Variants in SLC44A5 observed in about 807,000 individuals in gnomAD.
SLC44A5 encodes choline transporter-like protein 5.
Under a neutral mutation model 101.8 loss-of-function variants are expected in SLC44A5, and 57 were observed. The observed-to-expected ratio is 0.56, with a 90% CI of 0.45 to 0.70. SLC44A5 has a LOEUF of 0.70. SLC44A5 is among the 30% of genes least tolerant of loss of function. The pLI is 0.00. For synonymous variants in SLC44A5, 281 were observed against 290.9 expected (o/e 0.97, Z 0.35); for missense variants, 737 against 853.1 (o/e 0.86, Z 1.70).
chr1:75,626,760 C>G, the SLC44A5 span, among the ~76,000 whole-genome samples: 1 of 152,064 alleles, frequency 6.6e-6, no homozygotes, highest in Non-Finnish European at 1.5e-5. Flanking sequence ...CTCCCTGACT[C>G]CATTCTTTCA....
the SLC44A5 span, among the ~76,000 whole-genome samples, chr1:75,681,602 A>T: frequency 1.3e-5 from 2 of 150,726 alleles, no homozygotes; most frequent in African/African-American, 2.4e-5. Context: ...TTGATGGGAC[A>T]TATTTCAAAA....
At chr1:75,425,690 T>G (rs765504489) in intron 2 of SLC44A5, among the ~76,000 whole-genome samples, 41 of 152,176 alleles carry the variant, frequency 2.7e-4, no homozygotes, top group Middle Eastern at 3.2e-3. Context: ...GTAATAACAA[T>G]GCTGTATTCT....
chr1:75,443,703 A>G (rs1176102751), intron 2 of SLC44A5, among the ~76,000 whole-genome samples: 2 of 151,744 alleles, frequency 1.3e-5, no homozygotes, highest in Non-Finnish European at 2.9e-5. Flanking sequence ...AAATATTCCC[A>G]AACTCCCATT....
At chr1:75,558,543 A>G (rs554439562) in intron 1 of SLC44A5, among the ~76,000 whole-genome samples, 9 of 152,204 alleles carry the variant, frequency 5.9e-5, no homozygotes, top group African/African-American at 1.9e-4. Context: ...ACTCCACACT[A>G]CCTTAATATG....
intron 1 of SLC44A5, among the ~76,000 whole-genome samples, chr1:75,574,439 T>G (rs1297311806): frequency 6.6e-6 from 1 of 152,248 alleles, no homozygotes; most frequent in East Asian, 1.9e-4. Context: ...CATGCAGTTT[T>G]AAACAGATAC....
intron 2 of SLC44A5, among the ~76,000 whole-genome samples, chr1:75,521,160 C>T (rs1670098977): frequency 6.6e-6 from 1 of 152,154 alleles, no homozygotes; most frequent in African/African-American, 2.4e-5. Flanking sequence ...ATTCAAATTT[C>T]AAACAGCATA....
chr1:75,212,348 T>A (rs1162546205), intron 22 of SLC44A5, among the ~76,000 whole-genome samples: 1 of 152,062 alleles, frequency 6.6e-6, no homozygotes, highest in East Asian at 1.9e-4. Context: ...CCTTCTACCC[T>A]CCACCCTCAA....
chr1:75,255,416 T>A, intron 6 of SLC44A5, among the ~76,000 whole-genome samples: 1 of 147,834 alleles, frequency 6.8e-6, no homozygotes, highest in African/African-American at 2.5e-5. Flanking sequence ...CAAGAAAGGC[T>A]TATAAAGATT....
intron 2 of SLC44A5, among the ~76,000 whole-genome samples, chr1:75,455,075 G>A (rs1395778732): frequency 3.3e-5 from 5 of 151,956 alleles, no homozygotes; most frequent in Admixed American, 3.3e-4. Flanking sequence ...ACAATTCTAA[G>A]CAAAAAGAAC....
chr1:75,242,069 A>G lies in SLC44A5; in HGVS notation c.472-8T>C. 1 of 1,610,214 alleles carries G rather than the reference A, an allele frequency of 6.2e-7. No homozygotes were observed. Reference sequence around the variant, plus strand: ...TAAAAGCTGTGTGAGAGACTAAAATAGAAGGAAGAACGTTAACATTTCAAA... The same window carrying G: ...TAAAAGCTGTGTGAGAGACTAAAATGGAAGGAAGAACGTTAACATTTCAAA... On this transcript the variant is annotated splice_region_variant and splice_polypyrimidine_tract_variant and intron_variant, in intron 8 of 23. Coordinates refer to ENST00000370859, the MANE Select transcript of SLC44A5 (RefSeq NM_001130058.2).
chr1:75,506,440 G>A (rs1669262810), intron 2 of SLC44A5, among the ~76,000 whole-genome samples: 1 of 152,086 alleles, frequency 6.6e-6, no homozygotes. Context: ...GCTTTGGGTA[G>A]TATTGCTATT....
chr1:75,227,101 C>T (rs1413188828), intron 13 of SLC44A5, among the ~76,000 whole-genome samples: 5 of 151,986 alleles, frequency 3.3e-5, no homozygotes, highest in African/African-American at 9.7e-5. Context: ...CACGCCAGCA[C>T]GGTGGCTCAT....
At chr1:75,351,868 A>AAAAAG (rs1553165361) in intron 3 of SLC44A5, among the ~76,000 whole-genome samples, 1 of 58,464 alleles carries the variant, frequency 1.7e-5, no homozygotes, top group African/African-American at 6.0e-5. Context: ...AAAAAAAAAA[A>AAAAAG]AGAGAGAGAG....
At chr1:75,608,332 T>C (rs1339486967) in intron 1 of SLC44A5, among the ~76,000 whole-genome samples, 4 of 142,388 alleles carry the variant, frequency 2.8e-5, no homozygotes, top group Non-Finnish European at 6.1e-5. Flanking sequence ...GTGAGGGGTA[T>C]GTGTGTGTGT....
intron 2 of SLC44A5, among the ~76,000 whole-genome samples, chr1:75,397,194 AG>A (rs1662178660): frequency 6.6e-6 from 1 of 152,160 alleles, no homozygotes; most frequent in African/African-American, 2.4e-5. Flanking sequence ...TCAATTTGGA[AG>A]GTACAAATTA....
chr1:75,582,180 T>C (rs918212810), intron 1 of SLC44A5: 16 of 843,380 alleles, frequency 1.9e-5, no homozygotes, highest in Non-Finnish European at 2.8e-5. Flanking sequence ...ATCACAAAGA[T>C]ACGAATCTCT....
chr1:75,690,882 C>A, the SLC44A5 span, among the ~76,000 whole-genome samples: 1 of 152,034 alleles, frequency 6.6e-6, no homozygotes, highest in African/African-American at 2.4e-5. Flanking sequence ...AATCCCAGCA[C>A]TTTGGGAGGC....
chr1:75,352,728 C>T (rs953551763), intron 3 of SLC44A5, among the ~76,000 whole-genome samples: 7 of 152,060 alleles, frequency 4.6e-5, no homozygotes, highest in Non-Finnish European at 1.0e-4. Context: ...CATGATCTGA[C>T]CCTATAAAAG....
Position 75,374,683 on chromosome 1 carries a change from C to G in SLC44A5, c.52+21900G>C, listed in dbSNP as rs114100433. ...CTACTGGATTGCAACCTGAATCACACCGGGAAGCAAAAATACATCCCTTCA... is the reference window on the plus strand; with the variant it reads ...CTACTGGATTGCAACCTGAATCACAGCGGGAAGCAAAAATACATCCCTTCA... On this transcript the variant is annotated intron_variant, in intron 3 of 23. Transcript: ENST00000370859. Among the ~76,000 whole-genome samples, 556 of 152,260 alleles carry G rather than the reference C, an allele frequency of 3.7e-3. 4 individuals are homozygous for G. Among genetic ancestry groups the G allele is most frequent in the Non-Finnish European group, 6.3e-3 (431 of 68,032 alleles).
Sources: gnomAD v4.1 joint callset for allele counts (sites outside exome capture counted in the v4.1 genomes callset) on GRCh38, gnomAD v4.1.1 for gene constraint, MANE v1.5 for transcripts, NCBI Gene and HGNC (gene_info 2026-07-23, HGNC 2026-07-21) for gene names.